RIT2: variants seen among roughly 807,000 people sequenced by gnomAD.
The protein encoded by RIT2 is GTP-binding protein Rit2.
A neutral mutation model predicts 23.7 loss-of-function variants in RIT2; 24 were observed. The observed-to-expected ratio is 1.01, with a 90% CI of 0.73 to 1.43. The LOEUF is 1.43. RIT2 is among the 40% of genes most tolerant of loss of function. RIT2 has a pLI of 0.00. For synonymous variants in RIT2, 107 were observed against 91.1 expected (o/e 1.17, Z -0.99); for missense variants, 236 against 266.9 (o/e 0.88, Z 0.81).
At chr18:42,930,239 T>C (rs1414122620) in intron 3 of RIT2, among the ~76,000 whole-genome samples, 1 of 151,838 alleles carries the variant, frequency 6.6e-6, no homozygotes, top group Non-Finnish European at 1.5e-5. Context: ...AGTCTGGCAA[T>C]GGTGAGAGTC....
At chr18:43,114,652 C>T (rs927226622) in intron 1 of RIT2, among the ~76,000 whole-genome samples, 6 of 152,124 alleles carry the variant, frequency 3.9e-5, no homozygotes, top group Admixed American at 6.6e-5. Context: ...CAAAAAACTA[C>T]TATGTATCTA....
At chr18:43,061,729 C>T (rs1013643743) in intron 1 of RIT2, among the ~76,000 whole-genome samples, 11 of 152,054 alleles carry the variant, frequency 7.2e-5, no homozygotes, top group African/African-American at 2.7e-4. Flanking sequence ...CCCTACTCAG[C>T]CTCACAGAAG....
At chr18:42,814,341 G>A (rs1905934588) in intron 4 of RIT2, among the ~76,000 whole-genome samples, 1 of 152,204 alleles carries the variant, frequency 6.6e-6, no homozygotes, top group African/African-American at 2.4e-5. Context: ...AGCCCTACTC[G>A]CCCACTGCCT....
At chr18:43,099,467 C>T (rs998332622) in intron 1 of RIT2, among the ~76,000 whole-genome samples, 3 of 152,002 alleles carry the variant, frequency 2.0e-5, no homozygotes, top group Non-Finnish European at 4.4e-5. Flanking sequence ...TTAATATAAA[C>T]TATCAGTCTT....
chr18:42,784,311 T>C (rs1776257104), intron 4 of RIT2, among the ~76,000 whole-genome samples: 1 of 151,640 alleles, frequency 6.6e-6, no homozygotes, highest in Non-Finnish European at 1.5e-5. Context: ...AAATGAAAGA[T>C]AAAGGCAAGA....
intron 2 of RIT2, among the ~76,000 whole-genome samples, chr18:43,002,722 G>C (rs550510438): frequency 1.3e-5 from 2 of 151,978 alleles, no homozygotes; most frequent in South Asian, 4.1e-4. Context: ...ACCTGTTGTC[G>C]GAGGAATACT....
At chr18:43,039,334 ATTT>A (rs201588795) in intron 1 of RIT2, among the ~76,000 whole-genome samples, 2 of 136,762 alleles carry the variant, frequency 1.5e-5, no homozygotes, top group Non-Finnish European at 3.2e-5. Context: ...TTCTGTTGAC[ATTT>A]TTTTTTCTTT....
chr18:42,814,133 C>A (rs1213306058), intron 4 of RIT2, among the ~76,000 whole-genome samples: 1 of 152,158 alleles, frequency 6.6e-6, no homozygotes, highest in Admixed American at 6.5e-5. Context: ...GGGAGGGCAG[C>A]CAGAGGCACT....
intron 4 of RIT2, among the ~76,000 whole-genome samples, chr18:42,911,324 C>T (rs1908764387): frequency 6.6e-6 from 1 of 151,642 alleles, no homozygotes; most frequent in Admixed American, 6.6e-5. Context: ...ATAAAGATAA[C>T]ATCAGAAATC....
Position 42,964,229 on chromosome 18 carries a change from A to AAATC in RIT2, c.234+9841_234+9844dup, listed in dbSNP as rs528536774. ...AATAAATAAATATAATAAAAAAATA[A>AAATC]AATCAATCAATCAATCAATCTTCAG... On this transcript the variant is annotated intron_variant, in intron 3 of 4. Coordinates refer to ENST00000326695, the MANE Select transcript of RIT2 (RefSeq NM_002930.4). Among the ~76,000 whole-genome samples, 934 of 151,932 alleles carry AAATC rather than the reference A, an allele frequency of 6.1e-3. 13 individuals are homozygous for AAATC. Among genetic ancestry groups the AAATC allele is most frequent in the African/African-American group, 0.022 (899 of 41,472 alleles).
chr18:43,029,349 T>C (rs1911802282), intron 2 of RIT2, among the ~76,000 whole-genome samples: 1 of 151,988 alleles, frequency 6.6e-6, no homozygotes, highest in Non-Finnish European at 1.5e-5. Flanking sequence ...TGGAAACTTG[T>C]TGGTCTTATG....
At chr18:42,863,684 TATTC>T (rs1907392020) in intron 4 of RIT2, among the ~76,000 whole-genome samples, 1 of 152,204 alleles carries the variant, frequency 6.6e-6, no homozygotes. Flanking sequence ...ACTCCTAGTA[TATTC>T]ATTGGAACCT....
chr18:43,054,877 G>C (rs1334142453), intron 1 of RIT2, among the ~76,000 whole-genome samples: 2 of 152,074 alleles, frequency 1.3e-5, no homozygotes, highest in Non-Finnish European at 2.9e-5. Context: ...AAACCAAGAA[G>C]AAATCCTGAC....
intron 1 of RIT2, among the ~76,000 whole-genome samples, chr18:43,063,472 C>A (rs1912699725): frequency 6.6e-6 from 1 of 152,086 alleles, no homozygotes; most frequent in African/African-American, 2.4e-5. Context: ...ACATTGATAA[C>A]CCTTAGGCAT....
chr18:42,921,187 T>C (rs1909047921), intron 4 of RIT2, among the ~76,000 whole-genome samples: 1 of 152,128 alleles, frequency 6.6e-6, no homozygotes, highest in Non-Finnish European at 1.5e-5. Context: ...AAAAAACCAC[T>C]CTGCAGTTTT....
intron 4 of RIT2, among the ~76,000 whole-genome samples, chr18:42,909,253 T>C (rs972876918): frequency 3.9e-5 from 6 of 152,130 alleles, no homozygotes; most frequent in Non-Finnish European, 5.9e-5. Flanking sequence ...TTCTCACTTA[T>C]AAGTGAGAGC....
chr18:43,083,903 G>T (rs185812722), intron 1 of RIT2, among the ~76,000 whole-genome samples: 140 of 152,146 alleles, frequency 9.2e-4, no homozygotes, highest in African/African-American at 3.3e-3. Context: ...TTAAATGAAA[G>T]GGCTTCTGCA....
intron 4 of RIT2, among the ~76,000 whole-genome samples, chr18:42,836,293 C>G (rs1034571660): frequency 6.6e-6 from 1 of 151,936 alleles, no homozygotes; most frequent in African/African-American, 2.4e-5. Flanking sequence ...CAATAGATTC[C>G]GTATCTATTT....
chr18:43,026,320 C>T (rs1344320799), intron 2 of RIT2, among the ~76,000 whole-genome samples: 1 of 151,920 alleles, frequency 6.6e-6, no homozygotes, highest in Non-Finnish European at 1.5e-5. Context: ...CTTTGGGAAG[C>T]CAACGCTGGT....
Sources: allele counts gnomAD v4.1 joint callset (sites outside exome capture counted in the v4.1 genomes callset), GRCh38; gene constraint gnomAD v4.1.1; transcripts MANE v1.5; gene names NCBI Gene and HGNC (gene_info 2026-07-23, HGNC 2026-07-21).